The following ECT2L variants were observed in gnomAD, a reference collection of about 807,000 sequenced individuals.
ECT2L encodes epithelial cell-transforming sequence 2 oncogene-like.
A neutral mutation model predicts 122.8 loss-of-function variants in ECT2L; 126 were observed. The observed-to-expected ratio is 1.03, with a 90% confidence interval of 0.89 to 1.19. The LOEUF (loss-of-function observed/expected upper bound fraction) is 1.19, where lower values mean the gene tolerates loss of function less well. Ranked by LOEUF, ECT2L falls within the 50% of genes most tolerant of loss-of-function variation. The pLI, the probability that ECT2L is intolerant of heterozygous loss-of-function variation, is 0.00. For synonymous variants in ECT2L, 385 were observed against 381.8 expected (o/e 1.01, Z -0.10); for missense variants, 1,012 against 1,064.1 (o/e 0.95, Z 0.68).
Position 138,814,568 on chromosome 6 carries a change from C to T in ECT2L, c.144C>T (p.Phe48=), listed in dbSNP as rs780649691. The T allele has an allele frequency of 1.6e-5, 25 of 1,611,150 alleles. No individual in the cohort carries two copies. The highest frequency in any genetic ancestry group is 1.2e-4 in the South Asian group (11 of 90,854). ...WTNKQRQEFL[F]AIFLRCTKSQ... ...ACAAGCAACGTCAAGAATTCTTATT[C>T]GCAATTTTTTTAAGATGCACTAAAT... The change falls in exon 4 of 22, where the codon TTC becomes TTT. Residue 48 remains phenylalanine (F), a synonymous_variant. Coordinates refer to ENST00000541398, the MANE Select transcript of ECT2L (RefSeq NM_001077706.3).
intron 14 of ECT2L, among the ~76,000 whole-genome samples, chr6:138,878,306 T>TATATACACACAC (rs139026623): frequency 6.7e-6 from 1 of 150,218 alleles, no homozygotes; most frequent in African/African-American, 2.5e-5. Context: ...CATATATATA[T>TATATACACACAC]ACACACACAC....
rs777535730 is a variant in ECT2L, at chr6:138,844,494, C to T, written c.678C>T (p.Leu226=). 3.1e-6 allele frequency: 5 copies of T among 1,614,176 alleles called. No individual in the cohort carries two copies. The highest frequency in any genetic ancestry group is 4.2e-6 in the Non-Finnish European group (5 of 1,180,036). The part of the protein sequence containing the change: ...SVLKPRCQPR[L]SQTVRERVGL... Reference sequence around the variant, plus strand: ...TAAAGCCCAGATGCCAACCACGCCTCTCCCAGACTGTAAGGGAGCGAGTGG... The same window carrying T: ...TAAAGCCCAGATGCCAACCACGCCTTTCCCAGACTGTAAGGGAGCGAGTGG... Residue 226 remains leucine, a synonymous_variant, in exon 7 of 22, where the codon CTC becomes CTT. Coordinates refer to ENST00000541398, the MANE Select transcript of ECT2L (RefSeq NM_001077706.3).
At chr6:138,844,341 CTTT>C (rs1777144679) in intron 6 of ECT2L, 68 bp from the exon 7 acceptor site, 29 of 1,549,966 alleles carry the variant, frequency 1.9e-5, no homozygotes, top group Non-Finnish European at 2.5e-5. Context: ...TTTTTGATGC[CTTT>C]ATCTGTGTGG....
rs943374860 is a variant in ECT2L at position 138,878,417 on chromosome 6, T to C, written c.1665+1859T>C. 2.6e-5 allele frequency among the ~76,000 whole-genome samples: 4 copies of C among 152,136 alleles called. No individual in the cohort carries two copies. In the South Asian group the frequency reaches 6.2e-4, roughly 24 times the overall value. On this transcript the variant is annotated intron_variant, in intron 14 of 21. Transcript: ENST00000541398. ...TATAAAGATAACTGCTGAATGAGCATGCCACGAAGGGAGAAAGGAGGTCCT... is the reference window on the plus strand; with the variant it reads ...TATAAAGATAACTGCTGAATGAGCACGCCACGAAGGGAGAAAGGAGGTCCT...
chr6:138,871,379 G>C (rs1446411105), intron 13 of ECT2L, among the ~76,000 whole-genome samples: 1 of 152,154 alleles, frequency 6.6e-6, no homozygotes, highest in Non-Finnish European at 1.5e-5. Context: ...TGATATTCTG[G>C]AAGTATTTGT....
intron 10 of ECT2L, among the ~76,000 whole-genome samples, chr6:138,857,388 G>T (rs147973661): frequency 6.6e-6 from 1 of 152,210 alleles, no homozygotes; most frequent in East Asian, 1.9e-4. Flanking sequence ...TGGGGCTGGA[G>T]AATTTTCCTT....
chr6:138,858,697 C>CTTTT (rs35946003), intron 10 of ECT2L, among the ~76,000 whole-genome samples: 2 of 59,324 alleles, frequency 3.4e-5, no homozygotes, highest in East Asian at 5.3e-4. Context: ...TAGAATTTTC[C>CTTTT]TTTTTTTTTT....
At chr6:138,847,388 T>G (rs1448467806) in intron 8 of ECT2L, among the ~76,000 whole-genome samples, 2 of 76,708 alleles carry the variant, frequency 2.6e-5, no homozygotes, top group African/African-American at 4.1e-5. Flanking sequence ...TTTTTTTTTT[T>G]GAGATGGAGT....
intron 20 of ECT2L, 62 bp downstream of exon 20, chr6:138,889,093 C>A: frequency 1.2e-6 from 1 of 813,714 alleles, no homozygotes; most frequent in South Asian, 2.4e-5. Flanking sequence ...CTGTCTTACT[C>A]ATCCTGTAGC....
In ECT2L at chr6:138,889,004, G is replaced by A. The variant is rs1311450748; in HGVS notation, c.2387G>A (p.Cys796Tyr). Residue 796 changes from cysteine (C) to tyrosine (Y), a missense_variant, in exon 20 of 22, where the codon TGT becomes TAT. Physicochemically the swap from Cys to Tyr is radical, Grantham distance 194. Coordinates refer to ENST00000541398, the MANE Select transcript of ECT2L (RefSeq NM_001077706.3). ...CAAGATGTAGCCCAACTTCATTGCT[G>A]TGATGAAGAAATAAGTTTCTCTTTA... ...RVQDVAQLHC[C>Y]DEEISFSLRL... is the part of the protein sequence containing the mutation. 3 of 1,550,406 alleles carry A rather than the reference G, an allele frequency of 1.9e-6. No individual in the cohort carries two copies. The highest frequency in any genetic ancestry group is 1.4e-5 in the African/African-American group (1 of 73,364).
At position 138,886,883 on chromosome 6, in the gene ECT2L, T is replaced by A. The variant is rs151070323; in HGVS notation, c.2286T>A (p.Asp762Glu). 2,646 of 1,613,628 alleles carry A rather than the reference T, an allele frequency of 1.6e-3. 2 individuals are homozygous for A. The highest frequency in any genetic ancestry group is 2.1e-3 in the Non-Finnish European group (2,475 of 1,179,758). ...DQMKQNITMKDHLSDIQRIIW... is the reference protein window; with the variant it reads ...DQMKQNITMKEHLSDIQRIIW... ...TGAAGCAAAACATCACTATGAAGGATCATCTGTCAGATATACAGAGAATCA... is the reference window on the plus strand; with the variant it reads ...TGAAGCAAAACATCACTATGAAGGAACATCTGTCAGATATACAGAGAATCA... Residue 762 changes from aspartate to glutamate, a missense_variant, in exon 19 of 22, where the codon GAT becomes GAA. Physicochemically the swap from Asp to Glu is conservative, Grantham distance 45 (BLOSUM62 2). Coordinates refer to ENST00000541398, the MANE Select transcript of ECT2L (RefSeq NM_001077706.3).
intron 11 of ECT2L, among the ~76,000 whole-genome samples, chr6:138,863,856 C>T (rs1241675698): frequency 6.6e-6 from 1 of 150,808 alleles, no homozygotes; most frequent in African/African-American, 2.4e-5. Context: ...CCTTGTGATC[C>T]GCCCGCCTCA....
At chr6:138,890,000 T>C (rs1014138932) in intron 20 of ECT2L, among the ~76,000 whole-genome samples, 10 of 152,186 alleles carry the variant, frequency 6.6e-5, no homozygotes, top group African/African-American at 2.4e-4. Flanking sequence ...ACACTATTCA[T>C]AAACAGTACA....
At position 138,843,220 on chromosome 6, in the gene ECT2L, CACT is replaced by C. The variant is rs1188449583; in HGVS notation, c.587_589del (p.Leu196del). 12 of 1,607,046 alleles carry C rather than the reference CACT, an allele frequency of 7.5e-6. No individual in the cohort carries two copies. In the South Asian group the frequency reaches 1.3e-4, roughly 18 times the overall value. On this transcript the variant is annotated inframe_deletion, in exon 6 of 22. Coordinates refer to ENST00000541398, the MANE Select transcript of ECT2L (RefSeq NM_001077706.3). ...AGGAAAAGAATTTGGGAGAAAATTG[CACT>C]ACGTAAGAGTAAGTAGCATTTTAAA...
At chr6:138,855,571 C>G (rs1777585523) in intron 10 of ECT2L, among the ~76,000 whole-genome samples, 1 of 152,000 alleles carries the variant, frequency 6.6e-6, no homozygotes, top group Admixed American at 6.6e-5. Context: ...ATTAACAGCA[C>G]CTATTTCTAG....
At chr6:138,859,396 C>G (rs1178060044) in intron 10 of ECT2L, among the ~76,000 whole-genome samples, 1 of 152,158 alleles carries the variant, frequency 6.6e-6, no homozygotes, top group African/African-American at 2.4e-5. Context: ...TGGATGAATA[C>G]CTGGGAGTAG....
chr6:138,831,314 T>C (rs1174724380), intron 4 of ECT2L, among the ~76,000 whole-genome samples: 2 of 152,272 alleles, frequency 1.3e-5, no homozygotes, highest in East Asian at 3.8e-4. Flanking sequence ...ACTGAGACCA[T>C]GTCATCATGC....
At chr6:138,843,312 C>T in intron 6 of ECT2L, 81 bp downstream of exon 6, 1 of 1,392,482 alleles carries the variant, frequency 7.2e-7, no homozygotes, top group Non-Finnish European at 9.6e-7. Flanking sequence ...CCACAGAGGA[C>T]AGCCCTGTCT....
At chr6:138,878,097 AAAC>A (rs1020902745) in intron 14 of ECT2L, among the ~76,000 whole-genome samples, 41 of 152,328 alleles carry the variant, frequency 2.7e-4, no homozygotes, top group African/African-American at 8.2e-4. Context: ...GCACTTATTT[AAAC>A]AACAAGGTGT....
Sources: gnomAD v4.1 joint callset for allele counts (sites outside exome capture counted in the v4.1 genomes callset) on GRCh38, gnomAD v4.1.1 for gene constraint, MANE v1.5 for transcripts, NCBI Gene and HGNC (gene_info 2026-07-23, HGNC 2026-07-21) for gene names.